HYAL4: variants seen among roughly 807,000 people sequenced by gnomAD.
HYAL4 encodes the protein hyaluronidase-4.
In HYAL4, 37 loss-of-function variants were observed where a neutral mutation model predicts 35.2. That is an observed-to-expected ratio of 1.05 (90% confidence interval 0.81 to 1.38). HYAL4 has a LOEUF of 1.38. Among genes scored for constraint, HYAL4 ranks in the 40% most tolerant of loss-of-function variants. The pLI is 0.00. For missense variants in HYAL4, 572 were observed against 572.4 expected, an observed-to-expected ratio of 1.00 and a Z score of 0.01; for synonymous variants, 198 against 203.2, an observed-to-expected ratio of 0.97 and a Z score of 0.22.
At chr7:123,847,621 C>CA (rs1806203019) in intron 1 of HYAL4, among the ~76,000 whole-genome samples, 1 of 151,946 alleles carries the variant, frequency 6.6e-6, no homozygotes, top group South Asian at 2.1e-4. Flanking sequence ...ACTGAAAATA[C>CA]AAAAAAATTA....
the HYAL4 span, among the ~76,000 whole-genome samples, chr7:123,816,619 T>C: frequency 1.3e-5 from 2 of 152,180 alleles, no homozygotes; most frequent in Admixed American, 6.5e-5. Context: ...TTTTAATCTT[T>C]TTTATTTTTA....
At chr7:123,788,019 A>G in the HYAL4 span, among the ~76,000 whole-genome samples, 7 of 152,188 alleles carry the variant, frequency 4.6e-5, no homozygotes, top group Admixed American at 2.6e-4. Context: ...TTATCAGCCA[A>G]TAAATATTGG....
chr7:123,772,983 G>A, the HYAL4 span, among the ~76,000 whole-genome samples: 5 of 152,098 alleles, frequency 3.3e-5, no homozygotes, highest in Admixed American at 6.5e-5. Context: ...ACACCGCATT[G>A]TCTCTCCTAA....
upstream of HYAL4, among the ~76,000 whole-genome samples, chr7:123,826,318 T>C (rs567235161): frequency 1.3e-5 from 2 of 151,440 alleles, no homozygotes; most frequent in South Asian, 4.2e-4. Context: ...ATGCAGAGAG[T>C]TGGGGGAACA....
intron 2 of HYAL4, among the ~76,000 whole-genome samples, chr7:123,857,672 T>C (rs1224599240): frequency 1.2e-4 from 7 of 59,826 alleles, no homozygotes; most frequent in South Asian, 6.8e-4. Flanking sequence ...TTTGTTTGTT[T>C]CTTTCTTTCT....
At chr7:123,831,594 T>G (rs961501623) in intron 1 of HYAL4, among the ~76,000 whole-genome samples, 1 of 152,248 alleles carries the variant, frequency 6.6e-6, no homozygotes, top group Admixed American at 6.5e-5. Flanking sequence ...CCTTTGAGAA[T>G]AGAATGTTCC....
the HYAL4 span, among the ~76,000 whole-genome samples, chr7:123,797,529 CA>C: frequency 1.3e-5 from 2 of 152,102 alleles, no homozygotes; most frequent in East Asian, 3.9e-4. Context: ...TTTGCAAAAA[CA>C]AAACAAAAAT....
chr7:123,780,779 T>C, the HYAL4 span, among the ~76,000 whole-genome samples: 3 of 148,148 alleles, frequency 2.0e-5, no homozygotes, highest in East Asian at 2.0e-4. Context: ...CCCAACCCCA[T>C]GCTCTCTGAA....
At chr7:123,854,210 G>A (rs114603028) in intron 2 of HYAL4, among the ~76,000 whole-genome samples, 3,197 of 152,116 alleles carry the variant, frequency 0.021, 103 homozygotes, top group African/African-American at 0.073. Flanking sequence ...GGTTTTTCAT[G>A]TCTCTATTTC....
rs1195364668 is a variant in HYAL4 at position 123,832,476 on chromosome 7, ATACTTTTTTTTTTT to A, written c.-257+3354_-257+3367del. Among the ~76,000 whole-genome samples, 385 of 58,468 alleles carry A rather than the reference ATACTTTTTTTTTTT, an allele frequency of 6.6e-3. 21 individuals are homozygous for A. The highest frequency in any genetic ancestry group is 0.024 in the African/African-American group (368 of 15,654). The allele number at this position is 58,468 out of a possible 152,430, so 38.4% of individuals were successfully genotyped here. On this transcript the variant is annotated intron_variant, in intron 1 of 4. Coordinates refer to the HYAL4 transcript ENST00000489978. ...CTGAGTCCCCAAAGTCTATTGTGTC[ATACTTTTTTTTTTT>A]TTTTTTTTTTTTTTTTTTTTTTTTT...
At chr7:123,822,993 G>A in the HYAL4 span, among the ~76,000 whole-genome samples, 10 of 152,082 alleles carry the variant, frequency 6.6e-5, no homozygotes, top group African/African-American at 2.4e-4. Flanking sequence ...ATGAATAAAA[G>A]AGAAGTGATT....
intron 1 of HYAL4, among the ~76,000 whole-genome samples, chr7:123,833,217 G>A (rs1229364032): frequency 5.3e-5 from 8 of 152,130 alleles, no homozygotes; most frequent in African/African-American, 1.7e-4. Context: ...AAGTGTTCCC[G>A]TTCACTACAC....
chr7:123,852,453 A>T (rs867047617), intron 2 of HYAL4, among the ~76,000 whole-genome samples: 6 of 152,226 alleles, frequency 3.9e-5, no homozygotes, highest in African/African-American at 1.4e-4. Context: ...AGTTTTCTGC[A>T]TATGGCTAGC....
At chr7:123,797,242 G>A in the HYAL4 span, among the ~76,000 whole-genome samples, 2 of 152,200 alleles carry the variant, frequency 1.3e-5, no homozygotes, top group South Asian at 4.1e-4. Flanking sequence ...TATTTGCTAT[G>A]ACTATTCATG....
In HYAL4 at chr7:123,868,464, A is replaced by G; in HGVS notation, c.191A>G (p.Asn64Ser). Residue 64 changes from asparagine (N) to serine (S), a missense_variant, in exon 3 of 5, where the codon AAT becomes AGT. Coordinates refer to ENST00000223026, the MANE Select transcript of HYAL4 (RefSeq NM_012269.3). ...ACAGATCAGTGTTTGATAAAATATA[A>G]TTTAAGACTAAATTTGAAAATGTTT... ...APTDQCLIKY[N>S]LRLNLKMFPV... 6.2e-7 allele frequency: 1 copy of G among 1,605,152 alleles called. No homozygotes were observed. Among genetic ancestry groups the G allele is most frequent in the Non-Finnish European group, 8.5e-7 (1 of 1,177,914 alleles).
At chr7:123,808,576 GAA>G in the HYAL4 span, among the ~76,000 whole-genome samples, 110 of 152,194 alleles carry the variant, frequency 7.2e-4, no homozygotes, top group African/African-American at 2.6e-3. Flanking sequence ...TGGCAGAACT[GAA>G]AAGAGACCTC....
upstream of HYAL4, among the ~76,000 whole-genome samples, chr7:123,842,965 G>C (rs554175969): frequency 6.6e-6 from 1 of 152,048 alleles, no homozygotes; most frequent in Non-Finnish European, 1.5e-5. Context: ...TTGCCAGTCT[G>C]TGTCTTTTAA....
chr7:123,786,636 G>A, the HYAL4 span, among the ~76,000 whole-genome samples: 15 of 152,086 alleles, frequency 9.9e-5, no homozygotes, highest in Admixed American at 5.9e-4. Context: ...CTAGTAAATG[G>A]GGTAGTTGCT....
Position 123,874,776 on chromosome 7 carries a change from A to G in HYAL4, c.970A>G (p.Thr324Ala). 1 of 1,602,438 alleles carries G rather than the reference A, an allele frequency of 6.2e-7. No individual in the cohort carries two copies. The highest frequency in any genetic ancestry group is 1.1e-5 in the South Asian group (1 of 90,856). Residue 324 changes from threonine (T) to alanine (A), a missense_variant, in exon 4 of 5, where the codon ACC becomes GCC. By Grantham distance (58) the Thr-to-Ala change is moderately conservative. Transcript: ENST00000223026. ...TTCAATCTAGCAAGATCTAGTCAGC[A>G]CCATAGGAGAAAGTGCTGCCTTGGG... ...FFLSKQDLVS[T>A]IGESAALGAA...
Sources: allele counts gnomAD v4.1 joint callset (sites outside exome capture counted in the v4.1 genomes callset), GRCh38; gene constraint gnomAD v4.1.1; transcripts MANE v1.5; gene names NCBI Gene and HGNC (gene_info 2026-07-23, HGNC 2026-07-21).